CNTN3: variants seen among roughly 807,000 people sequenced by gnomAD.
CNTN3 encodes contactin 3.
Under a neutral mutation model 119.1 loss-of-function variants are expected in CNTN3, and 60 were observed. That is an observed-to-expected ratio of 0.50 (90% CI 0.41 to 0.62). The LOEUF (loss-of-function observed/expected upper bound fraction) is 0.62. CNTN3 is among the 20% of genes least tolerant of loss of function. CNTN3 has a pLI of 0.00. For synonymous variants in CNTN3, 450 were observed against 438.7 expected, an observed-to-expected ratio of 1.03 and a Z score of -0.32; for missense variants, 1,101 against 1,242.4, an observed-to-expected ratio of 0.89 and a Z score of 1.71.
At chr3:74,516,063 A>C (rs933214511) in intron 2 of CNTN3, among the ~76,000 whole-genome samples, 7 of 151,954 alleles carry the variant, frequency 4.6e-5, no homozygotes, top group African/African-American at 1.7e-4. Flanking sequence ...CATACAGATG[A>C]AAGGCTTAGT....
chr3:74,367,641 A>G (rs541344772), intron 8 of CNTN3, among the ~76,000 whole-genome samples: 2 of 152,108 alleles, frequency 1.3e-5, no homozygotes, highest in South Asian at 4.1e-4. Flanking sequence ...ACTAACATGC[A>G]GAAAAGGAAA....
intron 13 of CNTN3, among the ~76,000 whole-genome samples, chr3:74,313,105 G>A (rs961790685): frequency 6.6e-6 from 1 of 151,600 alleles, no homozygotes. Flanking sequence ...TGAGCTCAAT[G>A]ATACAAAAAT....
intron 1 of CNTN3, among the ~76,000 whole-genome samples, chr3:74,540,763 C>T (rs1703832013): frequency 6.6e-6 from 1 of 152,106 alleles, no homozygotes. Context: ...CATACCTCAT[C>T]CCTAATTCAA....
rs138129802 is a variant in CNTN3 at position 74,551,957 on chromosome 3, T to C, written c.-80-30765A>G. Reference sequence around the variant, plus strand: ...TTTTGTATTTTTAGTAGAGACAGGGTTTTGCCATGTTGGCCAGGCTGGTCT... The same window carrying C: ...TTTTGTATTTTTAGTAGAGACAGGGCTTTGCCATGTTGGCCAGGCTGGTCT... On this transcript the variant is annotated intron_variant, in intron 1 of 22. Transcript: ENST00000263665. Among the ~76,000 whole-genome samples the C allele has an allele frequency of 6.0e-3, 914 of 151,842 alleles. 26 individuals are homozygous for C. The highest frequency in any genetic ancestry group is 0.037 in the Admixed American group (560 of 15,254).
At chr3:74,308,697 C>T (rs1208475135) in intron 13 of CNTN3, among the ~76,000 whole-genome samples, 2 of 152,026 alleles carry the variant, frequency 1.3e-5, no homozygotes, top group East Asian at 1.9e-4. Context: ...AGTCTGCTGT[C>T]CCAGCAATCT....
Position 74,465,099 on chromosome 3 carries a change from A to G in CNTN3, c.358+21357T>C, listed in dbSNP as rs544407662. The stretch of plus-strand genomic sequence containing the variant: ...TTCTATTACCATTGATCCTGTTCAA[A>G]TTTGTAAATAAACATTCCCTAAGAA... On this transcript the variant is annotated intron_variant, in intron 4 of 22. Coordinates refer to ENST00000263665, the MANE Select transcript of CNTN3 (RefSeq NM_020872.3). Among the ~76,000 whole-genome samples the G allele has an allele frequency of 1.4e-4, 22 of 152,282 alleles. 1 individual carries two copies. The South Asian group carries it at 2.9e-3, about 20-fold the overall frequency.
At chr3:74,567,063 C>A (rs7625297) in intron 1 of CNTN3, among the ~76,000 whole-genome samples, 1 of 152,156 alleles carries the variant, frequency 6.6e-6, no homozygotes, top group African/African-American at 2.4e-5. Context: ...GTAGCAGATA[C>A]GACAGCACAA....
At chr3:74,349,962 T>C (rs1703776591) in intron 11 of CNTN3, among the ~76,000 whole-genome samples, 1 of 152,236 alleles carries the variant, frequency 6.6e-6, no homozygotes, top group Admixed American at 6.5e-5. Flanking sequence ...TTCATTAACC[T>C]GCATTCCCCA....
chr3:74,280,830 A>G (rs1050992126), intron 20 of CNTN3, among the ~76,000 whole-genome samples: 1 of 152,190 alleles, frequency 6.6e-6, no homozygotes, highest in African/African-American at 2.4e-5. Flanking sequence ...GTGAGTAGCC[A>G]TGAGATACAG....
At chr3:74,412,794 T>C (rs974905906) in intron 5 of CNTN3, among the ~76,000 whole-genome samples, 2 of 152,304 alleles carry the variant, frequency 1.3e-5, no homozygotes, top group East Asian at 3.9e-4. Context: ...GAGTAGCCCA[T>C]GAACCCTCCA....
chr3:74,486,723 C>T (rs576966561), intron 3 of CNTN3, 92 bp from the exon 4 acceptor site: 1 of 1,080,628 alleles, frequency 9.3e-7, no homozygotes, highest in East Asian at 2.7e-5. Flanking sequence ...CATTATCCCT[C>T]AAAAGTAAAA....
intron 5 of CNTN3, among the ~76,000 whole-genome samples, chr3:74,384,208 C>T (rs1198357794): frequency 6.6e-6 from 1 of 152,224 alleles, no homozygotes. Context: ...TGTCCCCTGA[C>T]ATTTTTTAGT....
intron 13 of CNTN3, among the ~76,000 whole-genome samples, chr3:74,325,425 G>A (rs1196644321): frequency 6.6e-6 from 1 of 152,070 alleles, no homozygotes; most frequent in Non-Finnish European, 1.5e-5. Flanking sequence ...ATAAGCAAAT[G>A]GAGAGATTTT....
intron 20 of CNTN3, among the ~76,000 whole-genome samples, chr3:74,275,208 A>C (rs1690774919): frequency 6.6e-6 from 1 of 152,232 alleles, no homozygotes; most frequent in Non-Finnish European, 1.5e-5. Flanking sequence ...GAAATCTAAA[A>C]GTTTGGAAAA....
At chr3:74,282,851 T>C (rs911632671) in intron 20 of CNTN3, among the ~76,000 whole-genome samples, 1 of 152,170 alleles carries the variant, frequency 6.6e-6, no homozygotes, top group African/African-American at 2.4e-5. Context: ...CATATGTTCT[T>C]TATATGCCAT....
chr3:74,266,195 A>G (rs1701657395), intron 22 of CNTN3, among the ~76,000 whole-genome samples: 1 of 152,178 alleles, frequency 6.6e-6, no homozygotes, highest in African/African-American at 2.4e-5. Context: ...TAGGAGATCC[A>G]AAGGCAAATT....
At chr3:74,359,968 C>T (rs1461489499) in intron 11 of CNTN3, among the ~76,000 whole-genome samples, 1 of 152,164 alleles carries the variant, frequency 6.6e-6, no homozygotes, top group Non-Finnish European at 1.5e-5. Context: ...AACTGCAAAT[C>T]ACTAATTAAC....
intron 3 of CNTN3, among the ~76,000 whole-genome samples, chr3:74,497,672 A>G (rs1703088888): frequency 6.6e-6 from 1 of 151,834 alleles, no homozygotes. Context: ...ACAATACCAA[A>G]CATGTTAAAT....
intron 13 of CNTN3, among the ~76,000 whole-genome samples, chr3:74,313,121 C>T (rs1702736988): frequency 6.6e-6 from 1 of 151,054 alleles, no homozygotes. Context: ...AAAATAGAAT[C>T]TTACAAAACA....
Sources: gnomAD v4.1 joint callset for allele counts (sites outside exome capture counted in the v4.1 genomes callset) on GRCh38, gnomAD v4.1.1 for gene constraint, MANE v1.5 for transcripts, NCBI Gene and HGNC (gene_info 2026-07-23, HGNC 2026-07-21) for gene names.